The following PCDH15 variants were observed in gnomAD, a reference collection of about 807,000 sequenced individuals.
PCDH15 encodes the protein protocadherin related 15, also known as protocadherin-15.
A neutral mutation model predicts 178.5 loss-of-function variants in PCDH15; 129 were observed. The ratio of observed to expected loss-of-function variants is 0.72; its 90% CI spans 0.63 to 0.84. The LOEUF is 0.84. PCDH15 is among the 40% of genes least tolerant of loss of function. The pLI is 0.00. For synonymous variants in PCDH15, 800 were observed against 732.0 expected (o/e 1.09, Z -1.50); for missense variants, 2,230 against 2,099.9 (o/e 1.06, Z -1.21).
intron 8 of PCDH15, among the ~76,000 whole-genome samples, chr10:54,314,099 T>G (rs1015287921): frequency 1.3e-5 from 2 of 148,244 alleles, no homozygotes; most frequent in Non-Finnish European, 3.0e-5. Flanking sequence ...TCTTTTTCCT[T>G]TTTTATATTT....
At chr10:54,719,702 G>A (rs11004481) in intron 1 of PCDH15, among the ~76,000 whole-genome samples, 18,522 of 151,654 alleles carry the variant, frequency 0.12, 1,264 homozygotes, top group African/African-American at 0.17. Flanking sequence ...GACTGGCCCC[G>A]GTGTGTTTTT....
intron 8 of PCDH15, among the ~76,000 whole-genome samples, chr10:54,260,956 T>C (rs1279205848): frequency 1.3e-5 from 2 of 152,186 alleles, no homozygotes; most frequent in Admixed American, 1.3e-4. Context: ...TTTAAATGGC[T>C]TTTGGTCTCA....
rs780912529 is a variant in PCDH15 at position 54,023,091 on chromosome 10, T to C, written c.2327A>G (p.Lys776Arg). 2.5e-6 allele frequency: 4 copies of C among 1,613,916 alleles called. No individual in the cohort carries two copies. Among genetic ancestry groups the C allele is most frequent in the Non-Finnish European group, 3.4e-6 (4 of 1,179,942 alleles). Residue 776 changes from lysine (K) to arginine (R), a missense_variant, in exon 19 of 38, where the codon AAG becomes AGG. Transcript: ENST00000644397. ...TSNGSIYTAV[K>R]LNREVRDYYE... ...GTAGTCCCTGACTTCTCTGTTAAGCTTCACTGCTGTGTAAATGCTCCCATT... is the reference window on the plus strand; with the variant it reads ...GTAGTCCCTGACTTCTCTGTTAAGCCTCACTGCTGTGTAAATGCTCCCATT...
At chr10:53,972,294 G>T (rs2089776316) in intron 21 of PCDH15, among the ~76,000 whole-genome samples, 2 of 151,730 alleles carry the variant, frequency 1.3e-5, no homozygotes, top group African/African-American at 4.8e-5. Flanking sequence ...AATTCAAGAT[G>T]GATTAAAGAC....
At chr10:53,851,857 A>T (rs560312904) in intron 28 of PCDH15, among the ~76,000 whole-genome samples, 1 of 151,372 alleles carries the variant, frequency 6.6e-6, no homozygotes, top group Non-Finnish European at 1.5e-5. Flanking sequence ...TACACAGCAC[A>T]TTTCAGGTGC....
chr10:53,963,977 A>ACC (rs1169291231), intron 21 of PCDH15, among the ~76,000 whole-genome samples: 1 of 152,224 alleles, frequency 6.6e-6, no homozygotes. Context: ...CTGATCCTAA[A>ACC]AACATTTCTT....
At chr10:54,126,844 T>G (rs1045866975) in intron 15 of PCDH15, among the ~76,000 whole-genome samples, 28 of 152,126 alleles carry the variant, frequency 1.8e-4, no homozygotes, top group Non-Finnish European at 3.5e-4. Flanking sequence ...TCTTTAATTT[T>G]TGTTTTTGGT....
chr10:54,509,668 G>T (rs1456303302), intron 3 of PCDH15, among the ~76,000 whole-genome samples: 2 of 152,096 alleles, frequency 1.3e-5, no homozygotes, highest in African/African-American at 2.4e-5. Flanking sequence ...AGGTTTCTTT[G>T]CTGTACACTT....
intron 3 of PCDH15, among the ~76,000 whole-genome samples, chr10:54,820,395 A>C (rs141440475): frequency 6.6e-6 from 1 of 152,186 alleles, no homozygotes; most frequent in Non-Finnish European, 1.5e-5. Context: ...GTCTTGTAGG[A>C]TGCAAGAATA....
At chr10:54,318,855 C>G (rs1448711051) in intron 7 of PCDH15, among the ~76,000 whole-genome samples, 1 of 152,112 alleles carries the variant, frequency 6.6e-6, no homozygotes, top group Non-Finnish European at 1.5e-5. Context: ...AACTTCATCA[C>G]CTGGCTGAGG....
At chr10:54,710,889 T>G (rs74136248) in intron 1 of PCDH15, among the ~76,000 whole-genome samples, 5,470 of 152,046 alleles carry the variant, frequency 0.036, 342 homozygotes, top group African/African-American at 0.13. Context: ...TGCAGTAATT[T>G]ATGGTTCAAA....
At chr10:54,766,105 G>A (rs1948481719) in intron 1 of PCDH15, among the ~76,000 whole-genome samples, 1 of 151,980 alleles carries the variant, frequency 6.6e-6, no homozygotes, top group Non-Finnish European at 1.5e-5. Flanking sequence ...ATCATGCAAT[G>A]TATCTGGAAT....
At chr10:53,967,779 T>C (rs149532421) in intron 21 of PCDH15, among the ~76,000 whole-genome samples, 7 of 152,326 alleles carry the variant, frequency 4.6e-5, no homozygotes, top group Non-Finnish European at 1.0e-4. Context: ...CATGATAATA[T>C]AGTATGTATA....
At chr10:55,009,558 A>C (rs1840004980) in intron 2 of PCDH15, among the ~76,000 whole-genome samples, 1 of 152,004 alleles carries the variant, frequency 6.6e-6, no homozygotes. Context: ...CATAATTATT[A>C]TTATCTTTTA....
intron 2 of PCDH15, among the ~76,000 whole-genome samples, chr10:54,973,549 C>T (rs1838989690): frequency 1.3e-5 from 2 of 152,142 alleles, no homozygotes; most frequent in African/African-American, 2.4e-5. Context: ...CTAATCATGC[C>T]TGCTTGCAGT....
At chr10:54,864,332 C>T (rs7087645) in intron 3 of PCDH15, among the ~76,000 whole-genome samples, 79,605 of 151,838 alleles carry the variant, frequency 0.52, 21,323 homozygotes, top group East Asian at 0.85. Flanking sequence ...AATTGGTTGA[C>T]CTCTTTTTTC....
intron 3 of PCDH15, among the ~76,000 whole-genome samples, chr10:54,848,492 A>C (rs1465764481): frequency 6.6e-6 from 1 of 151,982 alleles, no homozygotes; most frequent in Non-Finnish European, 1.5e-5. Flanking sequence ...TAGCACACTC[A>C]GCCCGCTTAC....
At chr10:54,664,353 C>T in intron 1 of PCDH15, 63 bp from the exon 2 acceptor site, 4 of 1,011,482 alleles carry the variant, frequency 4.0e-6, no homozygotes, top group Non-Finnish European at 1.5e-6. Flanking sequence ...TAGGTAAACA[C>T]AATTGTCACA....
Position 54,857,229 on chromosome 10 carries a change from G to A in PCDH15, c.-29+40221C>T, listed in dbSNP as rs538752222. ...AAATAACAGAAGAGTCATAAAACCG[G>A]TTTATAGAATCATATACTATTGACA... On this transcript the variant is annotated intron_variant, in intron 3 of 5. Coordinates refer to the PCDH15 transcript ENST00000458638. Among the ~76,000 whole-genome samples the A allele has an allele frequency of 2.6e-5, 4 of 152,054 alleles. No homozygotes were observed. In the South Asian group the frequency reaches 8.3e-4, roughly 32 times the overall value.
Sources: allele counts gnomAD v4.1 joint callset (sites outside exome capture counted in the v4.1 genomes callset), GRCh38; gene constraint gnomAD v4.1.1; transcripts MANE v1.5; gene names NCBI Gene and HGNC (gene_info 2026-07-23, HGNC 2026-07-21).